The following DNAH9 variants were observed in gnomAD, a reference collection of about 807,000 sequenced individuals.
DNAH9 encodes dynein axonemal heavy chain 9.
DNAH9 carries 345 observed loss-of-function variants against 471.6 expected under a neutral mutation model. The ratio of observed to expected loss-of-function variants is 0.73; its 90% CI spans 0.67 to 0.80. The LOEUF (loss-of-function observed/expected upper bound fraction) is 0.80, where lower values mean the gene tolerates loss of function less well. Among genes scored for constraint, DNAH9 ranks in the 30% least tolerant of loss-of-function variants. The pLI is 0.00. For missense variants in DNAH9, 5,407 were observed against 5,609.2 expected (o/e 0.96, Z 1.15); for synonymous variants, 2,093 against 2,123.6 (o/e 0.99, Z 0.40).
intron 39 of DNAH9, among the ~76,000 whole-genome samples, chr17:11,781,851 A>AC (rs1308130742): frequency 2.0e-5 from 3 of 148,354 alleles, no homozygotes; most frequent in Non-Finnish European, 3.0e-5. Context: ...AAACAAACAA[A>AC]AAAAAAACTA....
At chr17:11,878,944 G>A (rs1226014802) in intron 53 of DNAH9, among the ~76,000 whole-genome samples, 1 of 152,050 alleles carries the variant, frequency 6.6e-6, no homozygotes, top group Non-Finnish European at 1.5e-5. Flanking sequence ...ATTATATGTG[G>A]TACAGACTAA....
intron 12 of DNAH9, among the ~76,000 whole-genome samples, chr17:11,650,763 A>G (rs2073490378): frequency 6.6e-6 from 1 of 152,170 alleles, no homozygotes; most frequent in Non-Finnish European, 1.5e-5. Flanking sequence ...TCATTTCCGC[A>G]GCCACATTGT....
rs1973160214 is a variant in DNAH9 at position 11,894,403 on chromosome 17, A to C, written c.11313A>C (p.Ala3771=). ...TCCTCATGAACCGAGAAGTCAATGC[A>C]GTGGAGTTGGATTTCCTGCTTCGAT... ...QILLMNREVN[A]VELDFLLRSP... is the part of the protein sequence containing the mutation. The change falls in exon 59 of 69, where the codon GCA becomes GCC. Residue 3771 remains alanine, a synonymous_variant. Transcript: ENST00000262442. 1 of 1,614,042 alleles carries C rather than the reference A, an allele frequency of 6.2e-7. No individual in the cohort carries two copies. The highest frequency in any genetic ancestry group is 8.5e-7 in the Non-Finnish European group (1 of 1,180,024).
At chr17:11,704,595 T>G (rs2074666269) in intron 25 of DNAH9, among the ~76,000 whole-genome samples, 153 bp downstream of exon 25, 1 of 151,568 alleles carries the variant, frequency 6.6e-6, no homozygotes, top group Non-Finnish European at 1.5e-5. Context: ...TTTTTTTTTT[T>G]TTTTTGAGAT....
intron 27 of DNAH9, among the ~76,000 whole-genome samples, chr17:11,727,253 G>C (rs933070879): frequency 6.6e-6 from 1 of 151,976 alleles, no homozygotes; most frequent in Admixed American, 6.6e-5. Flanking sequence ...GGACAGAAAT[G>C]CATTATTCCC....
intron 26 of DNAH9, among the ~76,000 whole-genome samples, chr17:11,717,211 G>A (rs1392340959): frequency 6.6e-6 from 1 of 152,014 alleles, no homozygotes; most frequent in African/African-American, 2.4e-5. Flanking sequence ...CTTAATTGAA[G>A]GAGAAAAAGG....
chr17:11,859,316 G>A (rs749161616), intron 50 of DNAH9, among the ~76,000 whole-genome samples: 24 of 150,606 alleles, frequency 1.6e-4, no homozygotes, highest in Non-Finnish European at 2.2e-4. Context: ...GGAGGCTGAG[G>A]CAGAAGAATT....
intron 1 of DNAH9, among the ~76,000 whole-genome samples, chr17:11,600,757 C>T (rs199781506): frequency 6.6e-6 from 1 of 152,152 alleles, no homozygotes; most frequent in East Asian, 1.9e-4. Flanking sequence ...GCTGGGATTA[C>T]AGGTGTGAGC....
At chr17:11,870,496 C>T (rs977236842) in intron 51 of DNAH9, among the ~76,000 whole-genome samples, 3 of 152,196 alleles carry the variant, frequency 2.0e-5, no homozygotes, top group Admixed American at 2.0e-4. Flanking sequence ...TGAGTCATAG[C>T]GATCACTGAA....
chr17:11,930,780 A>AAAAAAAAAAAAAAAAAAAAAAT (rs1567558351), intron 63 of DNAH9, among the ~76,000 whole-genome samples: 2 of 151,042 alleles, frequency 1.3e-5, no homozygotes, highest in African/African-American at 4.9e-5. Context: ...AAAAAAAAAA[A>AAAAAAAAAAAAAAAAAAAAAAT]AATTGCAGAT....
chr17:11,686,295 G>A (rs981701535), intron 19 of DNAH9, among the ~76,000 whole-genome samples: 3 of 152,112 alleles, frequency 2.0e-5, no homozygotes, highest in African/African-American at 4.8e-5. Flanking sequence ...ATGCATGAGC[G>A]CCGTATTTTC....
chr17:11,820,321 A>G (rs1870218837), intron 45 of DNAH9, among the ~76,000 whole-genome samples: 1 of 152,062 alleles, frequency 6.6e-6, no homozygotes, highest in Non-Finnish European at 1.5e-5. Flanking sequence ...GTTATTCATC[A>G]GGGAGATTGA....
intron 67 of DNAH9, among the ~76,000 whole-genome samples, chr17:11,951,108 G>C (rs1975346877): frequency 6.6e-6 from 1 of 152,078 alleles, no homozygotes; most frequent in Non-Finnish European, 1.5e-5. Context: ...AAACAATTTT[G>C]TATAGAAGCA....
At position 11,651,160 on chromosome 17, in the gene DNAH9, AT is replaced by A; in HGVS notation, c.2192del (p.Phe731SerfsTer9). ...ETAAAMFSSR[D>X]FYRQLVANLE... is the part of the protein sequence containing the mutation. ...GCAGCAGCCATGTTCTCCTCCAGGG[AT>A]TTCTATCGGCAGCTTGTGGCTAATT... On this transcript the variant is annotated frameshift_variant, in exon 13 of 69. Coordinates refer to ENST00000262442, the MANE Select transcript of DNAH9 (RefSeq NM_001372.4). LOFTEE classifies it high-confidence loss of function. 6.2e-7 allele frequency: 1 copy of A among 1,614,126 alleles called. No individual in the cohort carries two copies. Among genetic ancestry groups the A allele is most frequent in the Non-Finnish European group, 8.5e-7 (1 of 1,179,992 alleles).
chr17:11,718,765 A>AG (rs1213366051), intron 26 of DNAH9, among the ~76,000 whole-genome samples: 3 of 152,232 alleles, frequency 2.0e-5, no homozygotes, highest in Non-Finnish European at 4.4e-5. Flanking sequence ...TATATACTGA[A>AG]GATATATACA....
At chr17:11,963,348 C>T (rs867734172) in intron 68 of DNAH9, among the ~76,000 whole-genome samples, 31 of 151,958 alleles carry the variant, frequency 2.0e-4, no homozygotes, top group Admixed American at 1.7e-3. Flanking sequence ...GCAGGAGAAT[C>T]GCTTGAACCC....
At position 11,934,001 on chromosome 17, in the gene DNAH9, TAGA is replaced by T. The variant is rs776735123; in HGVS notation, c.12422_12424del (p.Glu4141del). On this transcript the variant is annotated inframe_deletion, in exon 65 of 69. Coordinates refer to ENST00000262442, the MANE Select transcript of DNAH9 (RefSeq NM_001372.4). Reference sequence around the variant, plus strand: ...GGGGAATTCATTCGACCAGAAATGTTAGAAGGAGAACTGTCTTTGGCCCCAGGG... The same window carrying T: ...GGGGAATTCATTCGACCAGAAATGTTAGGAGAACTGTCTTTGGCCCCAGGG... 16 of 1,614,064 alleles carry T rather than the reference TAGA, an allele frequency of 9.9e-6. No individual in the cohort carries two copies. In the South Asian group the frequency reaches 1.2e-4, roughly 12 times the overall value.
chr17:11,874,730 T>C (rs1972409587), intron 52 of DNAH9, among the ~76,000 whole-genome samples: 1 of 150,348 alleles, frequency 6.7e-6, no homozygotes, highest in Admixed American at 6.7e-5. Context: ...ACGAGTTGAA[T>C]TTCTGCAGTT....
At chr17:11,936,401 T>G (rs1974715861) in intron 65 of DNAH9, among the ~76,000 whole-genome samples, 1 of 152,148 alleles carries the variant, frequency 6.6e-6, no homozygotes, top group South Asian at 2.1e-4. Context: ...AAGTCAAGGC[T>G]GGAGGATCAC....
Sources: gnomAD v4.1 joint callset for allele counts (sites outside exome capture counted in the v4.1 genomes callset) on GRCh38, gnomAD v4.1.1 for gene constraint, MANE v1.5 for transcripts, NCBI Gene and HGNC (gene_info 2026-07-23, HGNC 2026-07-21) for gene names.